ZNF107: variants seen among roughly 807,000 people sequenced by gnomAD.
The protein encoded by ZNF107 is zinc finger protein 107.
ZNF107 carries 19 observed loss-of-function variants against 12.3 expected under a neutral mutation model. The observed-to-expected ratio is 1.55, with a 90% confidence interval of 1.08 to 2.27. ZNF107 has a LOEUF of 2.27. Ranked by LOEUF, ZNF107 falls within the 30% of genes most tolerant of loss-of-function variation. ZNF107 has a pLI of 0.00. For synonymous variants in ZNF107, 317 were observed against 330.5 expected (o/e 0.96, Z 0.44); for missense variants, 958 against 979.9 (o/e 0.98, Z 0.30).
chr7:64,691,367 CT>C lies in ZNF107; in HGVS notation c.128del (p.Leu43TrpfsTer10). 7 of 1,483,430 alleles carry C rather than the reference CT, an allele frequency of 4.7e-6. No individual in the cohort carries two copies. Among genetic ancestry groups the C allele is most frequent in the South Asian group, 2.8e-5 (2 of 72,448 alleles). The allele number at this position is 1,483,430 out of a possible 1,614,324, so 91.9% of individuals were successfully genotyped here. A position where few individuals can be genotyped will look rare whatever the true frequency, so the allele number is the denominator to read the frequency against. ...VLLENYRNLV[F>X]LGIAVSKPYL... ...TGTTAGAGAACTACAGAAACCTGGT[CT>C]TTTTGGGTGAGGATAACTTCAATAC... is the stretch of plus-strand genomic sequence containing the variant. On this transcript the variant is annotated frameshift_variant, in exon 2 of 4. Transcript: ENST00000620827. LOFTEE classifies it high-confidence loss of function.
In ZNF107 at chr7:64,707,896, A is replaced by C. The variant is rs1270640523; in HGVS notation, c.1799A>C (p.Lys600Thr). The stretch of plus-strand genomic sequence containing the variant: ...CTCAACAAATGTGAAGAATTTGGCA[A>C]GGCCTTTAAACAGTCCTCACACCGT... ...EKLNKCEEFG[K>T]AFKQSSHRTI... The change falls in exon 4 of 4, where the codon AAG becomes ACG. Residue 600 changes from lysine to threonine, a missense_variant. By Grantham distance (78) the Lys-to-Thr change is moderately conservative (BLOSUM62 -1). Transcript: ENST00000620827. 1 of 1,613,650 alleles carries C rather than the reference A, an allele frequency of 6.2e-7. No individual in the cohort carries two copies.
intron 1 of ZNF107, among the ~76,000 whole-genome samples, chr7:64,674,271 T>G (rs1215747385): frequency 1.3e-5 from 2 of 152,236 alleles, no homozygotes; most frequent in African/African-American, 4.8e-5. Flanking sequence ...CATTTATTTG[T>G]GTCATATCTA....
intron 1 of ZNF107, among the ~76,000 whole-genome samples, chr7:64,673,095 G>A (rs1311697785): frequency 3.9e-5 from 6 of 152,192 alleles, no homozygotes; most frequent in Non-Finnish European, 8.8e-5. Context: ...CCAGGCTGGA[G>A]TGCAGTGGCA....
intron 3 of ZNF107, among the ~76,000 whole-genome samples, chr7:64,702,165 T>A (rs1455619883): frequency 6.6e-6 from 1 of 152,096 alleles, no homozygotes; most frequent in Non-Finnish European, 1.5e-5. Flanking sequence ...ATTTTTTTTT[T>A]TGAGACGGAG....
intron 1 of ZNF107, among the ~76,000 whole-genome samples, chr7:64,677,148 C>A (rs1789443684): frequency 6.6e-6 from 1 of 151,660 alleles, no homozygotes; most frequent in Non-Finnish European, 1.5e-5. Flanking sequence ...TTTGTCTTGT[C>A]ATTTTTCTGG....
intron 3 of ZNF107, among the ~76,000 whole-genome samples, chr7:64,702,250 A>G (rs1790500507): frequency 6.6e-6 from 1 of 151,804 alleles, no homozygotes; most frequent in African/African-American, 2.4e-5. Context: ...ACTAGGTTCA[A>G]GTGATTCTCC....
At chr7:64,705,008 T>G (rs1790592865) in intron 3 of ZNF107, among the ~76,000 whole-genome samples, 1 of 152,214 alleles carries the variant, frequency 6.6e-6, no homozygotes, top group Non-Finnish European at 1.5e-5. Flanking sequence ...GGTGTTTTTC[T>G]TTTATTTGGC....
intron 3 of ZNF107, among the ~76,000 whole-genome samples, chr7:64,705,660 A>G (rs778827767): frequency 2.0e-5 from 3 of 149,774 alleles, no homozygotes; most frequent in Non-Finnish European, 4.4e-5. Context: ...TCTTTCAGAC[A>G]TGTTCTTAAG....
At chr7:64,685,892 A>G (rs981831154) in intron 1 of ZNF107, among the ~76,000 whole-genome samples, 16 of 152,148 alleles carry the variant, frequency 1.1e-4, no homozygotes, top group Admixed American at 1.0e-3. Context: ...GTCCATCAGC[A>G]TAGGGCTGTG....
intron 2 of ZNF107, among the ~76,000 whole-genome samples, 153 bp downstream of exon 2, chr7:64,691,527 T>C (rs537622002): frequency 6.6e-6 from 1 of 152,294 alleles, no homozygotes; most frequent in African/African-American, 2.4e-5. Context: ...GTGTAGAAAA[T>C]AATTCCTTCA....
At position 64,708,542 on chromosome 7, in the gene ZNF107, A is replaced by G; in HGVS notation, c.2445A>G (p.Lys815=). 6.2e-7 allele frequency: 1 copy of G among 1,612,962 alleles called. No homozygotes were observed. The change falls in exon 4 of 4, where the codon AAA becomes AAG. Residue 815 remains lysine (K), a synonymous_variant. Coordinates refer to ENST00000620827, the MANE Select transcript of ZNF107 (RefSeq NM_001282359.2). The part of the protein sequence containing the change: ...NIHKIIHTGE[K]PYKCGDYGRA... ...ATAAGATAATTCATACTGGAGAGAA[A>G]CCCTACAAATGTGGAGATTATGGCA... is the stretch of plus-strand genomic sequence containing the variant.
intron 1 of ZNF107, among the ~76,000 whole-genome samples, 194 bp downstream of exon 1, chr7:64,666,479 A>G: frequency 6.6e-6 from 1 of 152,036 alleles, no homozygotes; most frequent in East Asian, 1.9e-4. Context: ...CAGCCGTAAG[A>G]TGGCGGCTGG....
chr7:64,699,393 G>C (rs1790395353), intron 3 of ZNF107, among the ~76,000 whole-genome samples: 1 of 152,108 alleles, frequency 6.6e-6, no homozygotes, highest in South Asian at 2.1e-4. Flanking sequence ...AACATGGAAT[G>C]TATGATTTTG....
intron 1 of ZNF107, among the ~76,000 whole-genome samples, chr7:64,672,808 T>C (rs1789284225): frequency 6.6e-6 from 1 of 152,206 alleles, no homozygotes; most frequent in African/African-American, 2.4e-5. Flanking sequence ...ATAAACCCAA[T>C]TATGAGGTGT....
chr7:64,696,480 A>G (rs1790293286), intron 3 of ZNF107, among the ~76,000 whole-genome samples: 1 of 152,086 alleles, frequency 6.6e-6, no homozygotes, highest in Non-Finnish European at 1.5e-5. Context: ...GTGCCACTGC[A>G]CTCCAGCTTG....
intron 1 of ZNF107, among the ~76,000 whole-genome samples, chr7:64,683,674 A>G (rs1789779425): frequency 6.6e-6 from 1 of 151,900 alleles, no homozygotes. Context: ...AGAGCCCCTT[A>G]TTTCTTTCTC....
At chr7:64,701,192 C>T (rs1790465214) in intron 3 of ZNF107, among the ~76,000 whole-genome samples, 1 of 152,090 alleles carries the variant, frequency 6.6e-6, no homozygotes, top group Non-Finnish European at 1.5e-5. Flanking sequence ...TTATGACTAC[C>T]TCACCCAATT....
intron 1 of ZNF107, among the ~76,000 whole-genome samples, chr7:64,669,392 G>T (rs1038131704): frequency 6.6e-6 from 1 of 152,070 alleles, no homozygotes; most frequent in African/African-American, 2.4e-5. Context: ...ATGACTAATT[G>T]ATTACTACCT....
chr7:64,692,365 GTTTTC>G (rs1398590059), intron 3 of ZNF107, among the ~76,000 whole-genome samples: 2 of 151,946 alleles, frequency 1.3e-5, no homozygotes, highest in African/African-American at 4.8e-5. Context: ...GTTCCATTGG[GTTTTC>G]TTTTATTTGT....
Sources: gnomAD v4.1 joint callset for allele counts (sites outside exome capture counted in the v4.1 genomes callset) on GRCh38, gnomAD v4.1.1 for gene constraint, MANE v1.5 for transcripts, NCBI Gene and HGNC (gene_info 2026-07-23, HGNC 2026-07-21) for gene names.